The following SPATA17 variants were observed in gnomAD, a reference collection of about 807,000 sequenced individuals.
SPATA17 encodes spermatogenesis associated 17.
A neutral mutation model predicts 62.2 loss-of-function variants in SPATA17; 53 were observed. That is an observed-to-expected ratio of 0.85 (90% confidence interval 0.68 to 1.07). The LOEUF (loss-of-function observed/expected upper bound fraction) is 1.07, where lower values mean the gene tolerates loss of function less well. SPATA17 is among the 50% of genes least tolerant of loss of function. SPATA17 has a pLI of 0.00. For missense variants in SPATA17, 466 were observed against 425.5 expected (o/e 1.10, Z -0.84); for synonymous variants, 146 against 146.8 (o/e 0.99, Z 0.04).
chr1:217,834,288 A>G (rs1675211126), intron 9 of SPATA17, among the ~76,000 whole-genome samples: 1 of 152,196 alleles, frequency 6.6e-6, no homozygotes, highest in African/African-American at 2.4e-5. Flanking sequence ...ATTTACTATA[A>G]TAGAATTTTT....
intron 9 of SPATA17, among the ~76,000 whole-genome samples, chr1:217,857,900 A>G (rs1285953924): frequency 6.6e-6 from 1 of 152,210 alleles, no homozygotes; most frequent in Non-Finnish European, 1.5e-5. Flanking sequence ...GTCTGACACC[A>G]GATAAGACCA....
chr1:217,788,407 T>TTGCGAGGAC (rs1272361579), intron 8 of SPATA17, among the ~76,000 whole-genome samples: 1 of 152,192 alleles, frequency 6.6e-6, no homozygotes, highest in Non-Finnish European at 1.5e-5. Context: ...CTACATGTCC[T>TTGCGAGGAC]AATCCTCGCA....
intron 9 of SPATA17, among the ~76,000 whole-genome samples, chr1:217,853,697 C>T (rs191120160): frequency 2.0e-5 from 3 of 152,282 alleles, no homozygotes; most frequent in Non-Finnish European, 2.9e-5. Flanking sequence ...CTTTGGTCAA[C>T]ATTTTTGCCA....
chr1:217,789,500 A>C (rs1673948606), intron 8 of SPATA17, among the ~76,000 whole-genome samples: 1 of 152,192 alleles, frequency 6.6e-6, no homozygotes, highest in African/African-American at 2.4e-5. Context: ...AAAAAGATTC[A>C]AGGAAGCTCA....
At chr1:217,647,032 T>C (rs1308899130) in intron 1 of SPATA17, among the ~76,000 whole-genome samples, 2 of 152,220 alleles carry the variant, frequency 1.3e-5, no homozygotes, top group Non-Finnish European at 2.9e-5. Context: ...CAGTGGTATC[T>C]TCTTCTGTCA....
At chr1:217,650,294 G>A (rs180871941) in intron 2 of SPATA17, among the ~76,000 whole-genome samples, 1 of 152,270 alleles carries the variant, frequency 6.6e-6, no homozygotes, top group African/African-American at 2.4e-5. Flanking sequence ...GGCAAATAGA[G>A]TATTTTTGAA....
At chr1:217,839,602 C>T (rs941119087) in intron 9 of SPATA17, among the ~76,000 whole-genome samples, 1 of 151,938 alleles carries the variant, frequency 6.6e-6, no homozygotes, top group African/African-American at 2.4e-5. Flanking sequence ...TTAGTGATAT[C>T]AGCTGATCAA....
chr1:217,832,695 C>A (rs1191967072), intron 9 of SPATA17, among the ~76,000 whole-genome samples: 1 of 152,082 alleles, frequency 6.6e-6, no homozygotes, highest in Non-Finnish European at 1.5e-5. Context: ...GTAATCCCAG[C>A]ACTTTTGTAG....
chr1:217,714,984 C>A (rs1447446899), intron 5 of SPATA17, among the ~76,000 whole-genome samples: 2 of 152,028 alleles, frequency 1.3e-5, no homozygotes, highest in Non-Finnish European at 2.9e-5. Flanking sequence ...ATACAAAAAT[C>A]TATGTATTTA....
chr1:217,845,456 T>G (rs190327957), intron 9 of SPATA17, among the ~76,000 whole-genome samples: 29 of 152,120 alleles, frequency 1.9e-4, no homozygotes, highest in African/African-American at 5.8e-4. Flanking sequence ...AGATGGGAAA[T>G]TATAGTTCTA....
chr1:217,720,469 T>C (rs1672100588), intron 5 of SPATA17, among the ~76,000 whole-genome samples: 1 of 152,116 alleles, frequency 6.6e-6, no homozygotes, highest in Admixed American at 6.5e-5. Context: ...TTCTGAAATA[T>C]GCACAAAATG....
chr1:217,771,269 G>A (rs1673438913), intron 6 of SPATA17, among the ~76,000 whole-genome samples: 1 of 151,106 alleles, frequency 6.6e-6, no homozygotes, highest in Non-Finnish European at 1.5e-5. Context: ...CATAGTGTTG[G>A]TCACTCTAGA....
chr1:217,805,354 TG>T (rs1046211919), intron 9 of SPATA17, among the ~76,000 whole-genome samples: 2 of 152,118 alleles, frequency 1.3e-5, no homozygotes, highest in African/African-American at 2.4e-5. Flanking sequence ...CAGAGTAGAA[TG>T]GTGGTTACTA....
intron 8 of SPATA17, among the ~76,000 whole-genome samples, chr1:217,800,544 A>T (rs1571813913): frequency 6.6e-6 from 1 of 152,160 alleles, no homozygotes; most frequent in South Asian, 2.1e-4. Context: ...ATGGACTGGG[A>T]CATGAACCTG....
chr1:217,679,618 C>T (rs897920409), intron 4 of SPATA17, among the ~76,000 whole-genome samples: 2 of 152,136 alleles, frequency 1.3e-5, no homozygotes, highest in Admixed American at 6.5e-5. Flanking sequence ...TTATTACATT[C>T]TTTAATATCC....
At position 217,869,209 on chromosome 1, in the gene SPATA17, T is replaced by C. The variant is rs1172068314; in HGVS notation, c.*2190T>C. On this transcript the variant is annotated 3_prime_UTR_variant, in exon 11 of 11. Coordinates refer to ENST00000366933, the MANE Select transcript of SPATA17 (RefSeq NM_138796.4). ...ATGCCTCAAACTTGAAACAAGAGAA[T>C]GGGGGGTGGGAGGATGTGGGAGATG... 6.6e-6 allele frequency: 1 copy of C among 152,240 alleles called. No individual in the cohort carries two copies. The highest frequency in any genetic ancestry group is 1.5e-5 in the Non-Finnish European group (1 of 68,214). 9.4% of individuals were successfully genotyped at this position (152,240 alleles called of 1,614,324 possible). A position where few individuals can be genotyped will look rare whatever the true frequency, so the allele number is the denominator to read the frequency against.
At chr1:217,823,422 G>A (rs1299462688) in intron 9 of SPATA17, among the ~76,000 whole-genome samples, 4 of 151,718 alleles carry the variant, frequency 2.6e-5, no homozygotes, top group Non-Finnish European at 2.9e-5. Flanking sequence ...TTTTATATAG[G>A]GCTCTCTAGT....
At chr1:217,817,643 A>G (rs1674754734) in intron 9 of SPATA17, among the ~76,000 whole-genome samples, 1 of 152,076 alleles carries the variant, frequency 6.6e-6, no homozygotes. Flanking sequence ...AACATACCAA[A>G]TCAATTTTAC....
chr1:217,776,415 A>T (rs1181308293), intron 7 of SPATA17, among the ~76,000 whole-genome samples: 1 of 152,170 alleles, frequency 6.6e-6, no homozygotes, highest in Non-Finnish European at 1.5e-5. Context: ...GCTGTATAAT[A>T]AATTACTCCA....
Sources: allele counts gnomAD v4.1 joint callset (sites outside exome capture counted in the v4.1 genomes callset), GRCh38; gene constraint gnomAD v4.1.1; transcripts MANE v1.5; gene names NCBI Gene and HGNC (gene_info 2026-07-23, HGNC 2026-07-21).